NUDCD3: variants seen among roughly 807,000 people sequenced by gnomAD.
NUDCD3 encodes the protein NudC domain containing 3.
NUDCD3 carries 13 observed loss-of-function variants against 39.7 expected under a neutral mutation model. The observed-to-expected ratio is 0.33, with a 90% confidence interval of 0.21 to 0.52. NUDCD3 has a LOEUF of 0.52. Among genes scored for constraint, NUDCD3 ranks in the 20% least tolerant of loss-of-function variants. The probability of loss-of-function intolerance (pLI) is 0.96; values close to 1 mark genes in which losing one functional copy is unlikely to be tolerated. For missense variants in NUDCD3, 453 were observed against 458.1 expected, an observed-to-expected ratio of 0.99 and a Z score of 0.10; for synonymous variants, 175 against 172.4, an observed-to-expected ratio of 1.02 and a Z score of -0.12.
chr7:44,392,110 C>T (rs1798528083), intron 5 of NUDCD3, among the ~76,000 whole-genome samples, 187 bp downstream of exon 5: 1 of 152,234 alleles, frequency 6.6e-6, no homozygotes, highest in African/African-American at 2.4e-5. Flanking sequence ...GACCAGAGTG[C>T]ACCTGTGAGG....
intron 4 of NUDCD3, among the ~76,000 whole-genome samples, chr7:44,394,035 C>G (rs542776806): frequency 5.6e-4 from 86 of 152,352 alleles, no homozygotes; most frequent in African/African-American, 2.0e-3. Context: ...GCACCAGACT[C>G]TGCAGAGCCC....
intron 3 of NUDCD3, among the ~76,000 whole-genome samples, chr7:44,410,149 C>T (rs1430500706): frequency 3.3e-5 from 5 of 151,952 alleles, no homozygotes; most frequent in Admixed American, 3.3e-4. Context: ...AAAAATTACA[C>T]CCAAGAAGCT....
At chr7:44,449,463 G>A (rs1799751201) in intron 2 of NUDCD3, among the ~76,000 whole-genome samples, 1 of 152,158 alleles carries the variant, frequency 6.6e-6, no homozygotes, top group African/African-American at 2.4e-5. Context: ...CAAGGACTGG[G>A]TGGAACTGAA....
intron 1 of NUDCD3, among the ~76,000 whole-genome samples, chr7:44,488,352 A>G (rs1331833100): frequency 2.6e-5 from 4 of 151,428 alleles, no homozygotes. Context: ...AAAAAAAAAA[A>G]AAAAAGAAAG....
chr7:44,423,538 C>T (rs772789217), intron 3 of NUDCD3, among the ~76,000 whole-genome samples: 10 of 152,026 alleles, frequency 6.6e-5, no homozygotes, highest in South Asian at 2.1e-4. Flanking sequence ...AACTCCCATC[C>T]GCAATTGCTA....
At position 44,380,420 on chromosome 7, in the gene NUDCD3, T is replaced by G. The variant is rs975059475; in HGVS notation, c.*5591A>C. The stretch of plus-strand genomic sequence containing the variant: ...GTCACCCTGGAGTCACAAAATCCCT[T>G]CTTTGCATTACCAAAAGAGGTGGTC... On this transcript the variant is annotated 3_prime_UTR_variant, in exon 6 of 6. Transcript: ENST00000355451. 6.6e-5 allele frequency: 10 copies of G among 152,248 alleles called. No homozygotes were observed. The highest frequency in any genetic ancestry group is 2.2e-4 in the African/African-American group (9 of 41,430). 9.4% of individuals were successfully genotyped at this position (152,248 alleles called of 1,614,324 possible).
At position 44,424,963 on chromosome 7, in the gene NUDCD3, T is replaced by C. The variant is rs150578227; in HGVS notation, c.642+2608A>G. Among the ~76,000 whole-genome samples, 649 of 152,158 alleles carry C rather than the reference T, an allele frequency of 4.3e-3. 7 individuals carry two copies. Among genetic ancestry groups the C allele is most frequent in the African/African-American group, 0.015 (618 of 41,490 alleles). On this transcript the variant is annotated intron_variant, in intron 3 of 5. Transcript: ENST00000355451. ...TACACCACGGAATACTATGCAGCCA[T>C]AAAAAAGAATGAGTTCATGTCCTTT...
intron 2 of NUDCD3, among the ~76,000 whole-genome samples, chr7:44,482,815 G>C (rs1030109016): frequency 1.3e-5 from 2 of 152,076 alleles, no homozygotes; most frequent in Non-Finnish European, 2.9e-5. Context: ...AGAGATAATG[G>C]AATTAGCAGA....
chr7:44,426,874 C>T (rs115847208), intron 3 of NUDCD3, among the ~76,000 whole-genome samples: 61 of 152,228 alleles, frequency 4.0e-4, no homozygotes, highest in African/African-American at 1.4e-3. Context: ...TCCCTCCATC[C>T]CTCCTGTGCA....
intron 3 of NUDCD3, chr7:44,426,060 ACACAGGCCTGGCCGTC>A (rs908654807): frequency 2.4e-5 from 22 of 901,510 alleles, no homozygotes; most frequent in Non-Finnish European, 2.9e-5. Context: ...GCCCCACAGC[ACACAGGCCTGGCCGTC>A]CACTTCATCG....
At chr7:44,441,583 ACT>A (rs1433909516) in intron 2 of NUDCD3, among the ~76,000 whole-genome samples, 3 of 151,924 alleles carry the variant, frequency 2.0e-5, no homozygotes, top group Non-Finnish European at 4.4e-5. Context: ...CAGTCTCTGG[ACT>A]CTCTGTGCCA....
chr7:44,429,589 A>G (rs1464420839), intron 2 of NUDCD3, among the ~76,000 whole-genome samples: 1 of 152,230 alleles, frequency 6.6e-6, no homozygotes, highest in East Asian at 1.9e-4. Flanking sequence ...ATTTTGTGGT[A>G]CGTTATTGTG....
intron 2 of NUDCD3, among the ~76,000 whole-genome samples, chr7:44,468,816 G>A (rs767029156): frequency 2.6e-5 from 4 of 152,120 alleles, no homozygotes; most frequent in Non-Finnish European, 5.9e-5. Flanking sequence ...CTCGAAAAAT[G>A]ATGCAAACAT....
At chr7:44,445,260 G>A (rs1160229998) in intron 2 of NUDCD3, among the ~76,000 whole-genome samples, 1 of 152,186 alleles carries the variant, frequency 6.6e-6, no homozygotes, top group Non-Finnish European at 1.5e-5. Flanking sequence ...ACTGACTGCT[G>A]CCTATTAACT....
intron 3 of NUDCD3, among the ~76,000 whole-genome samples, chr7:44,410,415 C>A (rs1798901602): frequency 6.6e-6 from 1 of 152,188 alleles, no homozygotes. Context: ...GTAATCCCAG[C>A]ACTTTGGGAG....
intron 2 of NUDCD3, among the ~76,000 whole-genome samples, chr7:44,457,822 A>G (rs1161133388): frequency 6.6e-6 from 1 of 152,218 alleles, no homozygotes; most frequent in African/African-American, 2.4e-5. Flanking sequence ...AATAGCCACA[A>G]TCAAAAAAAA....
At chr7:44,475,436 A>T (rs1037053198) in intron 2 of NUDCD3, among the ~76,000 whole-genome samples, 11 of 152,122 alleles carry the variant, frequency 7.2e-5, no homozygotes, top group Admixed American at 4.6e-4. Context: ...ATATACATAC[A>T]TGTATTTATG....
chr7:44,393,721 T>C (rs1483049693), intron 4 of NUDCD3, among the ~76,000 whole-genome samples: 1 of 152,146 alleles, frequency 6.6e-6, no homozygotes, highest in Admixed American at 6.5e-5. Context: ...CACTAGGTGC[T>C]CACAGAAAGG....
At chr7:44,390,732 A>G (rs1033698900) in intron 5 of NUDCD3, among the ~76,000 whole-genome samples, 1 of 152,042 alleles carries the variant, frequency 6.6e-6, no homozygotes, top group African/African-American at 2.4e-5. Flanking sequence ...CCTCACATAC[A>G]CCATCCCCAA....
Sources: allele counts gnomAD v4.1 joint callset (sites outside exome capture counted in the v4.1 genomes callset), GRCh38; gene constraint gnomAD v4.1.1; transcripts MANE v1.5; gene names NCBI Gene and HGNC (gene_info 2026-07-23, HGNC 2026-07-21).